Variants in RALY observed in about 807,000 individuals in gnomAD.
RALY encodes the protein RALY heterogeneous nuclear ribonucleoprotein.
A neutral mutation model predicts 30.7 loss-of-function variants in RALY; 15 were observed. The observed-to-expected ratio is 0.49, with a 90% confidence interval of 0.33 to 0.75. The LOEUF is 0.75. Ranked by LOEUF, RALY falls within the 30% of genes least tolerant of loss-of-function variation. The pLI is 0.02. For missense variants in RALY, 339 were observed against 414.3 expected (o/e 0.82, Z 1.58); for synonymous variants, 177 against 170.8 (o/e 1.04, Z -0.28).
intron 2 of RALY, among the ~76,000 whole-genome samples, chr20:34,064,420 A>G (rs1356163089): frequency 1.3e-5 from 2 of 152,170 alleles, no homozygotes; most frequent in African/African-American, 2.4e-5. Context: ...ATGGATACCA[A>G]TGTCAGTAGT....
chr20:34,007,820 C>CAAAA lies in RALY; in HGVS notation c.-93+13707_-93+13710dup, dbSNP rs10649045. 3.9e-4 allele frequency among the ~76,000 whole-genome samples: 40 copies of CAAAA among 101,330 alleles called. 1 individual carries two copies. Among genetic ancestry groups the CAAAA allele is most frequent in the Admixed American group, 8.0e-4 (7 of 8,698 alleles). 66.5% of individuals were successfully genotyped at this position (101,330 alleles called of 152,430 possible). ...GGGCAATAAGAGCGAAACTCCGTCTCAAAAAAAAAAAAAAAAAAAAAGTTC... is the reference window on the plus strand; with the variant it reads ...GGGCAATAAGAGCGAAACTCCGTCTCAAAAAAAAAAAAAAAAAAAAAAAAAGTTC... On this transcript the variant is annotated intron_variant, in intron 1 of 9. Transcript: ENST00000246194.
At chr20:34,039,257 G>A (rs574564777) in intron 2 of RALY, among the ~76,000 whole-genome samples, 62 of 152,354 alleles carry the variant, frequency 4.1e-4, no homozygotes, top group Admixed American at 7.8e-4. Context: ...TGACCTGCCT[G>A]TCACCCAGCA....
chr20:34,030,833 C>T (rs912900438), intron 1 of RALY, among the ~76,000 whole-genome samples: 1 of 152,094 alleles, frequency 6.6e-6, no homozygotes, highest in African/African-American at 2.4e-5. Flanking sequence ...TTTGTACTTG[C>T]TATTCTCTCC....
intron 1 of RALY, among the ~76,000 whole-genome samples, chr20:34,026,429 G>A (rs961545182): frequency 2.7e-5 from 4 of 149,978 alleles, no homozygotes; most frequent in Non-Finnish European, 5.9e-5. Flanking sequence ...TTGAGGCGGA[G>A]TCTCGCTCTG....
chr20:34,028,560 C>A (rs986926075), intron 1 of RALY, among the ~76,000 whole-genome samples: 1 of 151,476 alleles, frequency 6.6e-6, no homozygotes, highest in African/African-American at 2.4e-5. Flanking sequence ...AAAAATTAGC[C>A]AGGCGTGGTG....
At chr20:34,005,052 CTT>C (rs1195278811) in intron 1 of RALY, among the ~76,000 whole-genome samples, 1 of 152,182 alleles carries the variant, frequency 6.6e-6, no homozygotes, top group Non-Finnish European at 1.5e-5. Flanking sequence ...GCCCTGCCTC[CTT>C]CCAGAGAGCA....
In RALY at chr20:34,077,103, G is replaced by C. The variant is rs1253380746; in HGVS notation, c.734G>C (p.Gly245Ala). The change falls in exon 8 of 10, where the codon GGT (glycine) becomes GCT (alanine). Residue 245 changes from glycine (G) to alanine (A), a missense_variant. By Grantham distance (60) the Gly-to-Ala change is moderately conservative. Coordinates refer to ENST00000246194, the MANE Select transcript of RALY (RefSeq NM_016732.3). ...GGTGGCAGCGGTGGCGGTGGCAGTGGTGGTGGCGGTGGCGGTGGCAGCAGC... is the reference window on the plus strand; with the variant it reads ...GGTGGCAGCGGTGGCGGTGGCAGTGCTGGTGGCGGTGGCGGTGGCAGCAGC... Reference protein sequence around the residue: ...GGGGSGGGGSGGGGGGGSSRP... With the variant: ...GGGGSGGGGSAGGGGGGSSRP... 1.2e-6 allele frequency: 2 copies of C among 1,602,112 alleles called. No homozygotes were observed. Among genetic ancestry groups the C allele is most frequent in the South Asian group, 2.2e-5 (2 of 90,120 alleles).
chr20:34,018,858 G>A (rs1285852046), intron 1 of RALY, among the ~76,000 whole-genome samples: 2 of 152,148 alleles, frequency 1.3e-5, no homozygotes, highest in African/African-American at 4.8e-5. Context: ...TTTTTCTTCA[G>A]TTGAGGTTGA....
chr20:34,023,874 A>G (rs1011322301), intron 1 of RALY, among the ~76,000 whole-genome samples: 1 of 152,046 alleles, frequency 6.6e-6, no homozygotes, highest in African/African-American at 2.4e-5. Context: ...GCAAATTTCA[A>G]GCTTACATAT....
chr20:34,020,136 C>G (rs1333007607), intron 1 of RALY, among the ~76,000 whole-genome samples: 5 of 152,178 alleles, frequency 3.3e-5, no homozygotes, highest in Non-Finnish European at 5.9e-5. Flanking sequence ...AACACAGTTC[C>G]TGTTTTTCAA....
chr20:34,060,768 A>G (rs1179264115), intron 2 of RALY, among the ~76,000 whole-genome samples: 1 of 152,200 alleles, frequency 6.6e-6, no homozygotes, highest in Non-Finnish European at 1.5e-5. Flanking sequence ...ACCTCTCTGT[A>G]TACTGTGTCA....
At chr20:34,040,913 A>G (rs997203254) in intron 2 of RALY, among the ~76,000 whole-genome samples, 1 of 152,108 alleles carries the variant, frequency 6.6e-6, no homozygotes, top group Admixed American at 6.5e-5. Flanking sequence ...CGGCCCTTCC[A>G]GGAGGGTAGA....
intron 2 of RALY, among the ~76,000 whole-genome samples, chr20:34,037,752 G>A (rs1366883493): frequency 6.6e-6 from 1 of 152,228 alleles, no homozygotes; most frequent in African/African-American, 2.4e-5. Flanking sequence ...ATAGGGACCT[G>A]GGATAGAGTC....
intron 2 of RALY, among the ~76,000 whole-genome samples, chr20:34,039,742 G>A (rs1371046318): frequency 2.6e-5 from 4 of 152,050 alleles, no homozygotes; most frequent in African/African-American, 9.7e-5. Flanking sequence ...AAGACTACAG[G>A]CTTGACAAAT....
At chr20:34,046,716 T>C (rs1244920387) in intron 2 of RALY, among the ~76,000 whole-genome samples, 1 of 149,654 alleles carries the variant, frequency 6.7e-6, no homozygotes, top group Non-Finnish European at 1.5e-5. Context: ...TGTGTGTAGA[T>C]AGAGGCCAGG....
At chr20:34,063,134 A>G (rs1346200814) in intron 2 of RALY, among the ~76,000 whole-genome samples, 1 of 152,242 alleles carries the variant, frequency 6.6e-6, no homozygotes, top group Non-Finnish European at 1.5e-5. Context: ...CTTTGGTTTC[A>G]TCGTATGTGA....
At chr20:34,033,043 C>G (rs1043704454) in intron 2 of RALY, 1 of 152,178 alleles carries the variant, frequency 6.6e-6, no homozygotes, top group Non-Finnish European at 1.5e-5. Context: ...AAGAAGAATA[C>G]GTCTGTAACA....
At chr20:34,070,363 T>C (rs1175885404) in intron 2 of RALY, among the ~76,000 whole-genome samples, 3 of 152,152 alleles carry the variant, frequency 2.0e-5, no homozygotes, top group Non-Finnish European at 4.4e-5. Flanking sequence ...CTTCTCTCCT[T>C]TCCCCTTTCC....
chr20:34,020,089 G>GT (rs1271259339), intron 1 of RALY, among the ~76,000 whole-genome samples: 1 of 152,196 alleles, frequency 6.6e-6, no homozygotes, highest in Non-Finnish European at 1.5e-5. Flanking sequence ...AGTGCCCACT[G>GT]TGTACCAGGT....
Sources: allele counts gnomAD v4.1 joint callset (sites outside exome capture counted in the v4.1 genomes callset), GRCh38; gene constraint gnomAD v4.1.1; transcripts MANE v1.5; gene names NCBI Gene and HGNC (gene_info 2026-07-23, HGNC 2026-07-21).